The following MRRF variants were observed in gnomAD, a reference collection of about 807,000 sequenced individuals.
MRRF encodes the protein ribosome-recycling factor, mitochondrial.
In MRRF, 18 loss-of-function variants were observed where a neutral mutation model predicts 25.1. The observed-to-expected ratio is 0.72, with a 90% CI of 0.50 to 1.06. The LOEUF is 1.06. Among genes scored for constraint, MRRF ranks in the 50% least tolerant of loss-of-function variants. The pLI, the probability that MRRF is intolerant of heterozygous loss-of-function variation, is 0.00. For synonymous variants in MRRF, 113 were observed against 112.1 expected (o/e 1.01, Z -0.05); for missense variants, 323 against 319.3 (o/e 1.01, Z -0.09).
intron 6 of MRRF, among the ~76,000 whole-genome samples, chr9:122,313,824 A>G (rs908162482): frequency 6.6e-6 from 1 of 152,190 alleles, no homozygotes; most frequent in Non-Finnish European, 1.5e-5. Context: ...TAGTGTTCTC[A>G]GTGTGCTGAG....
At chr9:122,309,553 G>T (rs1448292671) in intron 5 of MRRF, among the ~76,000 whole-genome samples, 1 of 151,982 alleles carries the variant, frequency 6.6e-6, no homozygotes, top group Non-Finnish European at 1.5e-5. Flanking sequence ...TAGTTCCTGG[G>T]GTCCCACAAA....
intron 6 of MRRF, among the ~76,000 whole-genome samples, chr9:122,315,087 G>C (rs770493336): frequency 8.0e-5 from 9 of 112,946 alleles, no homozygotes; most frequent in Non-Finnish European, 1.3e-4. Context: ...CAGTCACCTG[G>C]GGGGGGGAAT....
In MRRF at chr9:122,322,698, C is replaced by A; in HGVS notation, c.*81C>A. 1 of 1,236,580 alleles carries A rather than the reference C, an allele frequency of 8.1e-7. No individual in the cohort carries two copies. Among genetic ancestry groups the A allele is most frequent in the Non-Finnish European group, 1.2e-6 (1 of 847,614 alleles). 76.6% of individuals were successfully genotyped at this position (1,236,580 alleles called of 1,614,324 possible). A position where few individuals can be genotyped will look rare whatever the true frequency, so the allele number is the denominator to read the frequency against. On this transcript the variant is annotated 3_prime_UTR_variant, in exon 7 of 7. Transcript: ENST00000344641. ...TGGCACATTGGGACTTCTCTCCCTC[C>A]CCCATCTACACAGAAGACTGTCACC...
intron 3 of MRRF, among the ~76,000 whole-genome samples, chr9:122,284,349 T>G (rs770375333): frequency 3.4e-4 from 52 of 152,218 alleles, no homozygotes; most frequent in Non-Finnish European, 1.6e-4. Context: ...GGCCTGTTTA[T>G]TCTTCCCAAG....
At chr9:122,305,302 T>G (rs1834766406) in intron 5 of MRRF, among the ~76,000 whole-genome samples, 1 of 150,810 alleles carries the variant, frequency 6.6e-6, no homozygotes, top group African/African-American at 2.4e-5. Context: ...TCCCAGCTAC[T>G]CAGGAGGCTG....
Position 122,319,944 on chromosome 9 carries a change from G to A in MRRF, c.712-2596G>A, listed in dbSNP as rs151062003. On this transcript the variant is annotated intron_variant, in intron 6 of 6. Transcript: ENST00000344641. ...GGTTGGAGTGCAGTGGCACCATGTC[G>A]GCTCACTGCATCCTCCACCTCCTGG... Among the ~76,000 whole-genome samples the A allele has an allele frequency of 2.4e-3, 360 of 147,292 alleles. 1 individual carries two copies. Among genetic ancestry groups the A allele is most frequent in the African/African-American group, 8.6e-3 (339 of 39,404 alleles).
In MRRF at chr9:122,328,506, T is replaced by C. The variant is rs1275502040; in HGVS notation, c.*5889T>C. On this transcript the variant is annotated 3_prime_UTR_variant, in exon 7 of 7. Transcript: ENST00000344641. ...TCTTTTTGTGACTAGTTTATTTCACTGAAGCATGATGTCCTTAAAGTATAT... is the reference window on the plus strand; with the variant it reads ...TCTTTTTGTGACTAGTTTATTTCACCGAAGCATGATGTCCTTAAAGTATAT... 2.0e-5 allele frequency: 3 copies of C among 152,360 alleles called. No individual in the cohort carries two copies. In the East Asian group the frequency reaches 5.8e-4, roughly 29 times the overall value. 9.4% of individuals were successfully genotyped at this position (152,360 alleles called of 1,614,324 possible). A position where few individuals can be genotyped will look rare whatever the true frequency, so the allele number is the denominator to read the frequency against.
chr9:122,321,057 G>T (rs1421037124), intron 6 of MRRF, among the ~76,000 whole-genome samples: 2 of 152,198 alleles, frequency 1.3e-5, no homozygotes, highest in Non-Finnish European at 2.9e-5. Context: ...TGTTTTTCCT[G>T]AGAACTTGAT....
intron 2 of MRRF, among the ~76,000 whole-genome samples, chr9:122,276,292 GTTGT>G (rs1001451799): frequency 6.6e-6 from 1 of 151,748 alleles, no homozygotes; most frequent in Non-Finnish European, 1.5e-5. Context: ...TTCCTATAAG[GTTGT>G]TTATTTATTT....
intron 5 of MRRF, among the ~76,000 whole-genome samples, chr9:122,297,081 G>A (rs879372240): frequency 3.3e-5 from 5 of 152,186 alleles, no homozygotes; most frequent in African/African-American, 4.8e-5. Context: ...TTGGGAGGCC[G>A]AGGCAGGCAG....
At chr9:122,313,047 C>T (rs1835298609) in intron 5 of MRRF, among the ~76,000 whole-genome samples, 180 bp from the exon 6 acceptor site, 1 of 152,132 alleles carries the variant, frequency 6.6e-6, no homozygotes, top group African/African-American at 2.4e-5. Context: ...CCAGTTTGCC[C>T]ATGTTTGGGC....
chr9:122,316,433 C>T (rs1218321987), intron 6 of MRRF, among the ~76,000 whole-genome samples: 1 of 152,138 alleles, frequency 6.6e-6, no homozygotes, highest in South Asian at 2.1e-4. Flanking sequence ...ACCTCAGCCC[C>T]CCAAAGTGCT....
chr9:122,273,916 T>C (rs1832619515), intron 2 of MRRF, among the ~76,000 whole-genome samples: 1 of 152,212 alleles, frequency 6.6e-6, no homozygotes, highest in Non-Finnish European at 1.5e-5. Flanking sequence ...TACCACAATT[T>C]AATATCCATC....
intron 2 of MRRF, among the ~76,000 whole-genome samples, chr9:122,275,095 C>CTTT (rs200378532): frequency 2.2e-5 from 3 of 138,942 alleles, no homozygotes; most frequent in Non-Finnish European, 3.1e-5. Flanking sequence ...TAGTTACCTC[C>CTTT]TTTTTTTTTT....
intron 5 of MRRF, among the ~76,000 whole-genome samples, chr9:122,294,407 A>G (rs908347276): frequency 2.2e-4 from 33 of 152,244 alleles, no homozygotes; most frequent in Non-Finnish European, 3.4e-4. Context: ...TTCCAAAGAT[A>G]AGAGGATCTG....
In MRRF at chr9:122,324,151, C is replaced by A. The variant is rs1836039470; in HGVS notation, c.*1534C>A. ...AGATCCCACAGGTTGAGGGCTCCAT[C>A]TCCCAAGACTGCCAACACTTTTGAT... On this transcript the variant is annotated 3_prime_UTR_variant, in exon 7 of 7. Coordinates refer to ENST00000344641, the MANE Select transcript of MRRF (RefSeq NM_138777.5). 6.6e-6 allele frequency: 1 copy of A among 152,182 alleles called. No individual in the cohort carries two copies. The highest frequency in any genetic ancestry group is 2.4e-5 in the African/African-American group (1 of 41,438). The allele number at this position is 152,182 out of a possible 1,614,324, so 9.4% of individuals were successfully genotyped here. A position where few individuals can be genotyped will look rare whatever the true frequency, so the allele number is the denominator to read the frequency against.
intron 5 of MRRF, among the ~76,000 whole-genome samples, chr9:122,294,401 A>G (rs982616582): frequency 6.6e-6 from 1 of 152,336 alleles, no homozygotes; most frequent in East Asian, 1.9e-4. Flanking sequence ...TCGAATTTCC[A>G]AAGATAAGAG....
chr9:122,277,820 A>G (rs563383813), intron 2 of MRRF, among the ~76,000 whole-genome samples: 1 of 152,260 alleles, frequency 6.6e-6, no homozygotes, highest in East Asian at 1.9e-4. Context: ...CCAAAGTGCT[A>G]GGATTACAGG....
chr9:122,271,262 C>G (rs1832443004), intron 2 of MRRF, among the ~76,000 whole-genome samples, 187 bp downstream of exon 2: 1 of 152,178 alleles, frequency 6.6e-6, no homozygotes, highest in Non-Finnish European at 1.5e-5. Context: ...AACCCAGTGC[C>G]TGTTTTCTCA....
Sources: gnomAD v4.1 joint callset for allele counts (sites outside exome capture counted in the v4.1 genomes callset) on GRCh38, gnomAD v4.1.1 for gene constraint, MANE v1.5 for transcripts, NCBI Gene and HGNC (gene_info 2026-07-23, HGNC 2026-07-21) for gene names.